The following MADD variants were observed in gnomAD, a reference collection of about 807,000 sequenced individuals.
MADD encodes MAP kinase activating death domain.
Under a neutral mutation model 176.7 loss-of-function variants are expected in MADD, and 109 were observed. That is an observed-to-expected ratio of 0.62 (90% CI 0.53 to 0.72). The LOEUF (loss-of-function observed/expected upper bound fraction) is 0.72, where lower values mean the gene tolerates loss of function less well. Among genes scored for constraint, MADD ranks in the 30% least tolerant of loss-of-function variants. MADD has a pLI of 0.00. For synonymous variants in MADD, 771 were observed against 771.3 expected (o/e 1.00, Z 0.01); for missense variants, 1,914 against 2,045.5 (o/e 0.94, Z 1.24).
rs988710408 is a variant in MADD, at chr11:47,309,059, G to C, written c.3752-222G>C. ...TTTCTATAAGTAACCACATTTATTTGTGTGCTGTGTTCATCCCTCCTCCTT... is the reference window on the plus strand; with the variant it reads ...TTTCTATAAGTAACCACATTTATTTCTGTGCTGTGTTCATCCCTCCTCCTT... On this transcript the variant is annotated intron_variant, in intron 23 of 32. Coordinates refer to ENST00000402192, the Ensembl canonical transcript of MADD. 6.2e-7 allele frequency: 1 copy of C among 1,613,772 alleles called. No homozygotes were observed. The highest frequency in any genetic ancestry group is 1.1e-5 in the South Asian group (1 of 90,986).
At chr11:47,288,777 T>C (rs1164506358) in intron 15 of MADD, among the ~76,000 whole-genome samples, 191 bp from the exon 16 acceptor site, 1 of 152,022 alleles carries the variant, frequency 6.6e-6, no homozygotes, top group Non-Finnish European at 1.5e-5. Context: ...GTTTTAAGGG[T>C]GGTCTTTTCT....
chr11:47,319,660 T>C (rs2141714563), intron 27 of MADD, among the ~76,000 whole-genome samples: 1 of 152,336 alleles, frequency 6.6e-6, no homozygotes, highest in East Asian at 1.9e-4. Context: ...TTATATGGAA[T>C]TTTGTTTTTG....
At chr11:47,314,038 G>A (rs2091635514) in intron 26 of MADD, among the ~76,000 whole-genome samples, 1 of 151,758 alleles carries the variant, frequency 6.6e-6, no homozygotes, top group Admixed American at 6.6e-5. Flanking sequence ...GATTACAGGT[G>A]TGAGCCACCG....
At position 47,271,704 on chromosome 11, in the gene MADD, C is replaced by T. The variant is rs1964061708; in HGVS notation, c.-89+1458C>T. Among the ~76,000 whole-genome samples, 3 of 152,080 alleles carry T rather than the reference C, an allele frequency of 2.0e-5. No homozygotes were observed. In the South Asian group the frequency reaches 6.3e-4, roughly 32 times the overall value. On this transcript the variant is annotated intron_variant, in intron 1 of 32. Coordinates refer to ENST00000402192, the Ensembl canonical transcript of MADD. Reference sequence around the variant, plus strand: ...TTTTACTTTAAGATACTTTGGCTCTCACTCTAGTCATTTCTACATAATTCT... The same window carrying T: ...TTTTACTTTAAGATACTTTGGCTCTTACTCTAGTCATTTCTACATAATTCT...
At chr11:47,295,635 A>G (rs980715602) in intron 21 of MADD, 56 bp downstream of exon 23, 30 of 1,610,060 alleles carry the variant, frequency 1.9e-5, no homozygotes, top group Non-Finnish European at 1.9e-5. Flanking sequence ...TCCCCTTTGG[A>G]AAAGGGTGCT....
chr11:47,323,375 G>T (rs1346755216), intron 27 of MADD, among the ~76,000 whole-genome samples: 1 of 151,688 alleles, frequency 6.6e-6, no homozygotes, highest in Admixed American at 6.6e-5. Flanking sequence ...TCAAGCCTGG[G>T]GTACAAAGTG....
rs1174717781 is a variant in MADD at position 47,285,305 on chromosome 11, T to C, written c.2411+111T>C. ...AGAAGTCTGAATGCTCTCGTGGTCC[T>C]GCCATCCCCAGAGGATGGTGTTCTG... On this transcript the variant is annotated intron_variant, in intron 13 of 32. Transcript: ENST00000402192. The C allele has an allele frequency of 5.8e-6, 9 of 1,548,782 alleles. No homozygotes were observed. The East Asian group carries it at 1.8e-4, about 31-fold the overall frequency.
Position 47,278,859 on chromosome 11 carries a change from A to G in MADD, c.1210-140A>G, listed in dbSNP as rs1035779458. The G allele has an allele frequency of 6.4e-6, 4 of 626,016 alleles. No homozygotes were observed. The Admixed American group carries it at 1.1e-4, about 17-fold the overall frequency. The allele number at this position is 626,016 out of a possible 1,614,324, so 38.8% of individuals were successfully genotyped here. A position where few individuals can be genotyped will look rare whatever the true frequency, so the allele number is the denominator to read the frequency against. On this transcript the variant is annotated intron_variant, in intron 6 of 32. Coordinates refer to ENST00000402192, the Ensembl canonical transcript of MADD. ...ATGTATGTCATATATGTGTGTACAT[A>G]TATCTTACTGTGCAGTTATATAATG...
intron 14 of MADD, 134 bp downstream of exon 14, chr11:47,285,724 GGGTGATACTGAATAA>G: frequency 8.1e-7 from 1 of 1,238,084 alleles, no homozygotes; most frequent in Admixed American, 2.0e-5. Flanking sequence ...CCAGTCATTT[GGGTGATACTGAATAA>G]GGCGTTTTCA....
chr11:47,285,660 A>G (rs1326197566), intron 14 of MADD, 70 bp downstream of exon 14: 12 of 1,597,708 alleles, frequency 7.5e-6, no homozygotes, highest in East Asian at 2.2e-5. Flanking sequence ...GACTATGGCA[A>G]ATGTTGCTTA....
At chr11:47,288,894 C>A in intron 15 of MADD, 74 bp from the exon 16 acceptor site, 2 of 1,066,874 alleles carry the variant, frequency 1.9e-6, no homozygotes, top group Non-Finnish European at 2.8e-6. Flanking sequence ...GATTATCTGG[C>A]TTACTGCTCC....
chr11:47,273,280 G>C (rs1376149057), intron 1 of MADD, among the ~76,000 whole-genome samples: 1 of 152,152 alleles, frequency 6.6e-6, no homozygotes, highest in Non-Finnish European at 1.5e-5. Flanking sequence ...AGAGCCCCAG[G>C]CGTTAAGCTG....
intron 22 of MADD, among the ~76,000 whole-genome samples, chr11:47,297,661 C>T (rs11039167): frequency 0.4 from 60,906 of 150,828 alleles, 13,293 homozygotes; most frequent in East Asian, 0.69. Flanking sequence ...TTAGCCAGGA[C>T]GGTCTTGATC....
At chr11:47,315,380 A>G in intron 27 of MADD, 53 bp downstream of exon 30, 1 of 959,996 alleles carries the variant, frequency 1.0e-6, no homozygotes, top group Non-Finnish European at 1.7e-6. Flanking sequence ...GTCACAGGGA[A>G]CTCATAGGAC....
At chr11:47,298,397 T>C (rs1375591297) in intron 22 of MADD, among the ~76,000 whole-genome samples, 1 of 152,230 alleles carries the variant, frequency 6.6e-6, no homozygotes, top group African/African-American at 2.4e-5. Flanking sequence ...GAAGCGGCAG[T>C]GAGAACCGTC....
At chr11:47,323,643 C>T (rs372862884) in intron 27 of MADD, 28 bp from the exon 31 acceptor site, 18 of 1,606,860 alleles carry the variant, frequency 1.1e-5, no homozygotes, top group African/African-American at 1.1e-4. Flanking sequence ...AGACAGGAAC[C>T]ACTGAGCCGC....
chr11:47,317,411 G>A (rs965748604), intron 27 of MADD, among the ~76,000 whole-genome samples: 7 of 152,160 alleles, frequency 4.6e-5, no homozygotes, highest in East Asian at 1.9e-4. Context: ...CTCATAACAC[G>A]TAATACCCCC....
At chr11:47,288,825 C>G in intron 15 of MADD, 143 bp from the exon 16 acceptor site, 1 of 651,018 alleles carries the variant, frequency 1.5e-6, no homozygotes, top group Non-Finnish European at 2.7e-6. Context: ...TGGCTTCCAG[C>G]TCTGAGGTGC....
upstream of MADD, chr11:47,269,734 G>A (rs967548677): frequency 1.3e-4 from 19 of 151,762 alleles, no homozygotes; most frequent in African/African-American, 4.3e-4. Context: ...CTCGGACGCC[G>A]AGCACCGCCA....
Sources: allele counts gnomAD v4.1 joint callset (sites outside exome capture counted in the v4.1 genomes callset), GRCh38; gene constraint gnomAD v4.1.1; transcripts MANE v1.5; gene names NCBI Gene and HGNC (gene_info 2026-07-23, HGNC 2026-07-21).